The following SPOCK3 variants were observed in gnomAD, a reference collection of about 807,000 sequenced individuals.
SPOCK3 encodes SPARC (osteonectin), cwcv and kazal like domains proteoglycan 3.
A neutral mutation model predicts 56.6 loss-of-function variants in SPOCK3; 30 were observed. That is an observed-to-expected ratio of 0.53 (90% CI 0.40 to 0.72). SPOCK3 has a LOEUF of 0.72. Among genes scored for constraint, SPOCK3 ranks in the 30% least tolerant of loss-of-function variants. The pLI is 0.00. For missense variants in SPOCK3, 527 were observed against 530.0 expected (o/e 0.99, Z 0.06); for synonymous variants, 196 against 183.3 (o/e 1.07, Z -0.56).
intron 6 of SPOCK3, among the ~76,000 whole-genome samples, chr4:166,819,933 G>C (rs562580691): frequency 7.9e-5 from 12 of 151,800 alleles, no homozygotes; most frequent in Middle Eastern, 3.4e-3. Flanking sequence ...TATTGCCTAG[G>C]GTCATCTTGA....
chr4:166,749,075 G>A (rs764737318), intron 8 of SPOCK3, among the ~76,000 whole-genome samples: 1 of 137,368 alleles, frequency 7.3e-6, no homozygotes. Flanking sequence ...GGAAGGCAGT[G>A]TGGTGATTCC....
intron 2 of SPOCK3, among the ~76,000 whole-genome samples, chr4:167,118,792 G>A (rs1761631607): frequency 2.0e-5 from 3 of 152,126 alleles, no homozygotes; most frequent in Admixed American, 1.3e-4. Context: ...ATAAATGCTG[G>A]CTTCTTTTGG....
At chr4:166,914,555 G>A (rs1181401121) in intron 4 of SPOCK3, among the ~76,000 whole-genome samples, 1 of 152,160 alleles carries the variant, frequency 6.6e-6, no homozygotes, top group Non-Finnish European at 1.5e-5. Flanking sequence ...CGGATCACCT[G>A]AGGTTGGGAG....
chr4:166,960,862 AG>A (rs1744062018), intron 4 of SPOCK3, among the ~76,000 whole-genome samples: 1 of 150,506 alleles, frequency 6.6e-6, no homozygotes. Flanking sequence ...GGAACTGAAT[AG>A]TTGGAATGAA....
intron 7 of SPOCK3, among the ~76,000 whole-genome samples, chr4:166,787,620 G>A (rs947352381): frequency 3.3e-5 from 5 of 151,976 alleles, no homozygotes; most frequent in Admixed American, 6.6e-5. Flanking sequence ...CTACTGTGAC[G>A]TTTTCTATAT....
intron 2 of SPOCK3, among the ~76,000 whole-genome samples, chr4:167,203,234 AT>A (rs964027309): frequency 1.3e-5 from 2 of 151,970 alleles, no homozygotes. Context: ...AATTGTATGT[AT>A]TAGAAATCCA....
intron 5 of SPOCK3, among the ~76,000 whole-genome samples, chr4:166,911,210 G>T (rs952495068): frequency 4.0e-5 from 6 of 151,270 alleles, no homozygotes; most frequent in African/African-American, 1.5e-4. Context: ...ACATATGACA[G>T]CTTCACTAAG....
intron 2 of SPOCK3, among the ~76,000 whole-genome samples, chr4:167,081,292 T>C (rs1477243809): frequency 6.6e-6 from 1 of 152,084 alleles, no homozygotes; most frequent in East Asian, 1.9e-4. Flanking sequence ...AAGATATTAC[T>C]ACATGGAACA....
At chr4:166,805,828 A>C (rs79794363) in intron 6 of SPOCK3, among the ~76,000 whole-genome samples, 10,811 of 152,164 alleles carry the variant, frequency 0.071, 505 homozygotes, top group Non-Finnish European at 0.1. Flanking sequence ...CAAGCAGACA[A>C]ATTTTCAAGT....
At chr4:166,764,267 T>C (rs7657837) in intron 7 of SPOCK3, among the ~76,000 whole-genome samples, 50,106 of 151,908 alleles carry the variant, frequency 0.33, 8,422 homozygotes, top group Admixed American at 0.42. Context: ...TGTATACATG[T>C]ACCATGTTGG....
chr4:166,899,708 G>A (rs866316559), intron 5 of SPOCK3, among the ~76,000 whole-genome samples: 5 of 151,744 alleles, frequency 3.3e-5, no homozygotes, highest in Middle Eastern at 3.4e-3. Flanking sequence ...GTACAGATGG[G>A]GTTTCACCAT....
chr4:167,234,445 A>G lies in SPOCK3; in HGVS notation c.-1+5T>C. The G allele has an allele frequency of 1.8e-6, 1 of 551,068 alleles. No individual in the cohort carries two copies. Among genetic ancestry groups the G allele is most frequent in the East Asian group, 3.1e-5 (1 of 32,744 alleles). 34.1% of individuals were successfully genotyped at this position (551,068 alleles called of 1,614,324 possible). ...CGGGCACAAAACCGCTTCCTGGCAC[A>G]TCACCTTGTTGTGAGCCAGCACTGT... On this transcript the variant is annotated splice_donor_5th_base_variant and intron_variant, in intron 1 of 10. Coordinates refer to ENST00000357545, the MANE Select transcript of SPOCK3 (RefSeq NM_001040159.2).
rs577472668 is a variant in SPOCK3, at chr4:166,987,085, G to A, written c.350+13264C>T. The stretch of plus-strand genomic sequence containing the variant: ...ACTGAAGCCCTGCCATGGTTTGCCA[G>A]TTACATTTATGATAAAATTCAAAAC... On this transcript the variant is annotated intron_variant, in intron 4 of 10. Coordinates refer to ENST00000357545, the MANE Select transcript of SPOCK3 (RefSeq NM_001040159.2). 7.2e-5 allele frequency among the ~76,000 whole-genome samples: 11 copies of A among 152,250 alleles called. No individual in the cohort carries two copies. In the East Asian group the frequency reaches 2.1e-3, roughly 29 times the overall value.
At chr4:166,946,109 C>T (rs114969361) in intron 4 of SPOCK3, among the ~76,000 whole-genome samples, 183 of 152,230 alleles carry the variant, frequency 1.2e-3, no homozygotes, top group African/African-American at 4.4e-3. Flanking sequence ...TTATCTGGGA[C>T]ATTCTTAATT....
intron 2 of SPOCK3, among the ~76,000 whole-genome samples, chr4:167,220,440 G>A (rs1735795474): frequency 7.4e-6 from 1 of 135,338 alleles, no homozygotes; most frequent in South Asian, 2.2e-4. Flanking sequence ...GTGCAGTGGT[G>A]TGATCACGGC....
intron 4 of SPOCK3, among the ~76,000 whole-genome samples, chr4:166,959,333 G>A (rs1391998101): frequency 6.6e-6 from 1 of 152,072 alleles, no homozygotes; most frequent in Non-Finnish European, 1.5e-5. Context: ...TTGAATTCTC[G>A]GCCAGGCGTG....
chr4:166,793,065 A>G (rs1168313990), intron 6 of SPOCK3, among the ~76,000 whole-genome samples: 1 of 152,160 alleles, frequency 6.6e-6, no homozygotes, highest in Non-Finnish European at 1.5e-5. Context: ...TACTGCAAAA[A>G]TATTTTGAAA....
intron 6 of SPOCK3, among the ~76,000 whole-genome samples, chr4:166,814,782 T>C (rs997119644): frequency 3.9e-5 from 6 of 152,086 alleles, no homozygotes; most frequent in Non-Finnish European, 2.9e-5. Context: ...CGCCTTGTGA[T>C]TGTGTGAGCC....
chr4:167,234,589 C>T (rs544524671), upstream of SPOCK3: 16 of 218,922 alleles, frequency 7.3e-5, no homozygotes, highest in Admixed American at 7.5e-4. Flanking sequence ...CGCGCTCCCC[C>T]CATCTCCACC....
Sources: gnomAD v4.1 joint callset for allele counts (sites outside exome capture counted in the v4.1 genomes callset) on GRCh38, gnomAD v4.1.1 for gene constraint, MANE v1.5 for transcripts, NCBI Gene and HGNC (gene_info 2026-07-23, HGNC 2026-07-21) for gene names.